Variants in PNPLA1 observed in about 807,000 individuals in gnomAD.
PNPLA1 encodes the protein omega-hydroxyceramide transacylase.
A neutral mutation model predicts 51.7 loss-of-function variants in PNPLA1; 36 were observed. That is an observed-to-expected ratio of 0.70 (90% CI 0.53 to 0.92). The LOEUF (loss-of-function observed/expected upper bound fraction) is 0.92, where lower values mean the gene tolerates loss of function less well. Among genes scored for constraint, PNPLA1 ranks in the 40% least tolerant of loss-of-function variants. The pLI, the probability that PNPLA1 is intolerant of heterozygous loss-of-function variation, is 0.00. For missense variants in PNPLA1, 658 were observed against 682.5 expected, an observed-to-expected ratio of 0.96 and a Z score of 0.40; for synonymous variants, 293 against 280.1, an observed-to-expected ratio of 1.05 and a Z score of -0.46.
rs1442367164 is a variant in PNPLA1, at chr6:36,260,997, G to A, written c.-81+17736G>A. ...CACCACCACACCCGGCTAATATTTT[G>A]TGTGTGCGTTTTGTAGAGATGAGGT... On this transcript the variant is annotated intron_variant, in intron 1 of 7. Coordinates refer to the PNPLA1 transcript ENST00000312917. Among the ~76,000 whole-genome samples, 3 of 152,028 alleles carry A rather than the reference G, an allele frequency of 2.0e-5. No individual in the cohort carries two copies. The East Asian group carries it at 5.8e-4, about 29-fold the overall frequency.
chr6:36,269,375 G>A (rs920249693), upstream of PNPLA1, among the ~76,000 whole-genome samples: 2 of 152,150 alleles, frequency 1.3e-5, no homozygotes, highest in East Asian at 1.9e-4. Context: ...GGGCAGAACC[G>A]CAGCCCCTGG....
At chr6:36,305,125 T>C (rs78197939) in intron 6 of PNPLA1, among the ~76,000 whole-genome samples, 4 of 152,236 alleles carry the variant, frequency 2.6e-5, no homozygotes, top group Admixed American at 2.0e-4. Flanking sequence ...GCGGCCCAGA[T>C]GGTTCTGAAT....
upstream of PNPLA1, among the ~76,000 whole-genome samples, chr6:36,266,450 A>G (rs1344235257): frequency 2.0e-5 from 3 of 152,218 alleles, no homozygotes; most frequent in Admixed American, 1.3e-4. Context: ...TCTGTCAGGA[A>G]GAAAATGGGA....
rs893355470 is a variant in PNPLA1 at position 36,302,088 on chromosome 6, C to A, written c.1003C>A (p.Leu335Ile). The change falls in exon 6 of 9, where the codon CTT becomes ATT. Residue 335 changes from leucine (L) to isoleucine (I), a missense_variant. Physicochemically the swap from Leu to Ile is conservative, Grantham distance 5. Transcript: ENST00000636260. ...GPPVSQPVQTLEFTCESPVSA... is the reference protein window; with the variant it reads ...GPPVSQPVQTIEFTCESPVSA... ...GCCTGTGTCCCAACCTGTGCAGACA[C>A]TTGAATTCACATGCGAGTCACCTGT... The A allele has an allele frequency of 1.2e-6, 2 of 1,614,248 alleles. No homozygotes were observed. Among genetic ancestry groups the A allele is most frequent in the Non-Finnish European group, 1.7e-6 (2 of 1,180,046 alleles).
intron 7 of PNPLA1, among the ~76,000 whole-genome samples, chr6:36,307,244 A>G (rs1166252896): frequency 6.6e-6 from 1 of 152,178 alleles, no homozygotes; most frequent in Non-Finnish European, 1.5e-5. Context: ...TGCTTCCCAC[A>G]TTAAGTATAA....
chr6:36,252,901 C>T (rs990955222), intron 1 of PNPLA1, among the ~76,000 whole-genome samples: 3 of 152,196 alleles, frequency 2.0e-5, no homozygotes, highest in African/African-American at 4.8e-5. Context: ...CAATAGAGGG[C>T]CGGGCGTGGT....
At chr6:36,273,752 A>AAAAAAAAT (rs1770002709) in intron 1 of PNPLA1, among the ~76,000 whole-genome samples, 2 of 138,682 alleles carry the variant, frequency 1.4e-5, no homozygotes, top group South Asian at 2.3e-4. Context: ...AAAAAAAAAA[A>AAAAAAAAT]GATGAAGAAA....
intron 1 of PNPLA1, among the ~76,000 whole-genome samples, chr6:36,288,514 G>A (rs887917628): frequency 4.7e-5 from 7 of 150,390 alleles, no homozygotes; most frequent in Non-Finnish European, 8.9e-5. Context: ...CTGCAGTGGC[G>A]CAATCTCGGC....
intron 1 of PNPLA1, among the ~76,000 whole-genome samples, chr6:36,257,320 T>C (rs1769553382): frequency 6.6e-6 from 1 of 152,250 alleles, no homozygotes; most frequent in Non-Finnish European, 1.5e-5. Context: ...AAGGATATTT[T>C]ATTTTTCTCC....
chr6:36,263,255 C>A (rs1417010678), intron 1 of PNPLA1, among the ~76,000 whole-genome samples: 1 of 152,110 alleles, frequency 6.6e-6, no homozygotes, highest in Admixed American at 6.5e-5. Context: ...AAACTGCACA[C>A]CGGGAGAGGA....
At chr6:36,307,517 G>A (rs950389115) in intron 7 of PNPLA1, 70 bp from the exon 8 acceptor site, 4 of 1,574,636 alleles carry the variant, frequency 2.5e-6, no homozygotes, top group Non-Finnish European at 3.5e-6. Context: ...CTGCGGAGCT[G>A]AGCAGGCCAC....
chr6:36,291,187 T>A (rs1303931530), intron 1 of PNPLA1, 133 bp from the exon 2 acceptor site: 5 of 679,936 alleles, frequency 7.4e-6, no homozygotes, highest in Non-Finnish European at 1.0e-5. Flanking sequence ...TCCTGGGGTT[T>A]TCCCAGCTTC....
chr6:36,278,021 C>A (rs1474991210), intron 1 of PNPLA1, among the ~76,000 whole-genome samples: 2 of 152,236 alleles, frequency 1.3e-5, no homozygotes, highest in Non-Finnish European at 2.9e-5. Context: ...CCTACTGTGT[C>A]TCCTGCCTAG....
chr6:36,287,230 C>T (rs1561862052), intron 1 of PNPLA1, among the ~76,000 whole-genome samples: 1 of 152,152 alleles, frequency 6.6e-6, no homozygotes. Context: ...TAGAATATGG[C>T]CCATCTCTCC....
rs780651972 is a variant in PNPLA1 at position 36,270,376 on chromosome 6, C to T, written c.-84C>T. 11 of 1,409,918 alleles carry T rather than the reference C, an allele frequency of 7.8e-6. No individual in the cohort carries two copies. Among genetic ancestry groups the T allele is most frequent in the South Asian group, 1.3e-5 (1 of 78,126 alleles). The allele number at this position is 1,409,918 out of a possible 1,614,324, so 87.3% of individuals were successfully genotyped here. ...TGGCAGGGAAGCTGGGTAGGGAGTTCCTACAGGGAGCGGCAGCCCAGGCTC... is the reference window on the plus strand; with the variant it reads ...TGGCAGGGAAGCTGGGTAGGGAGTTTCTACAGGGAGCGGCAGCCCAGGCTC... On this transcript the variant is annotated 5_prime_UTR_variant, in exon 1 of 9. Transcript: ENST00000636260.
At chr6:36,244,139 C>T (rs1450351758) in intron 1 of PNPLA1, among the ~76,000 whole-genome samples, 1 of 152,050 alleles carries the variant, frequency 6.6e-6, no homozygotes, top group Non-Finnish European at 1.5e-5. Flanking sequence ...CCTTTTTCTC[C>T]TCCTCCTCCT....
At chr6:36,261,707 G>A (rs756915968) in intron 1 of PNPLA1, among the ~76,000 whole-genome samples, 9 of 152,178 alleles carry the variant, frequency 5.9e-5, no homozygotes, top group Non-Finnish European at 1.2e-4. Context: ...AAAACCCTAG[G>A]AGGCAAGTTT....
At position 36,312,340 on chromosome 6, in the gene PNPLA1, C is replaced by T. The variant is rs1771425394; in HGVS notation, c.*454C>T. The T allele has an allele frequency of 6.6e-6, 1 of 152,208 alleles. No individual in the cohort carries two copies. The highest frequency in any genetic ancestry group is 2.4e-5 in the African/African-American group (1 of 41,446). 9.4% of individuals were successfully genotyped at this position (152,208 alleles called of 1,614,324 possible). On this transcript the variant is annotated 3_prime_UTR_variant, in exon 9 of 9. Coordinates refer to ENST00000636260, the MANE Select transcript of PNPLA1 (RefSeq NM_001374623.1). ...GATGTTTCAAACACCCTTTTATCAC[C>T]TCCCACTGGAGATTACATTTGCAAG...
At chr6:36,285,998 T>TG (rs2127339229) in intron 1 of PNPLA1, among the ~76,000 whole-genome samples, 1 of 152,306 alleles carries the variant, frequency 6.6e-6, no homozygotes, top group South Asian at 2.1e-4. Flanking sequence ...GATAAGGATG[T>TG]GGGGGCAGGG....
Sources: gnomAD v4.1 joint callset for allele counts (sites outside exome capture counted in the v4.1 genomes callset) on GRCh38, gnomAD v4.1.1 for gene constraint, MANE v1.5 for transcripts, NCBI Gene and HGNC (gene_info 2026-07-23, HGNC 2026-07-21) for gene names.